The following HMGCLL1 variants were observed in gnomAD, a reference collection of about 807,000 sequenced individuals.
HMGCLL1 encodes the protein 3-hydroxymethyl-3-methylglutaryl-CoA lyase, cytoplasmic.
Under a neutral mutation model 39.1 loss-of-function variants are expected in HMGCLL1, and 36 were observed. The ratio of observed to expected loss-of-function variants is 0.92; its 90% CI spans 0.71 to 1.22. HMGCLL1 has a LOEUF of 1.22. Among genes scored for constraint, HMGCLL1 ranks in the 50% most tolerant of loss-of-function variants. The pLI, the probability that HMGCLL1 is intolerant of heterozygous loss-of-function variation, is 0.00. For missense variants in HMGCLL1, 451 were observed against 416.5 expected, an observed-to-expected ratio of 1.08 and a Z score of -0.72; for synonymous variants, 149 against 144.0, an observed-to-expected ratio of 1.03 and a Z score of -0.25.
intron 4 of HMGCLL1, among the ~76,000 whole-genome samples, chr6:55,516,157 T>G (rs1218587024): frequency 6.6e-6 from 1 of 152,018 alleles, no homozygotes; most frequent in African/African-American, 2.4e-5. Context: ...AATTACCAAA[T>G]TCAACAATAT....
chr6:55,640,384 AGAAT>A, the HMGCLL1 span, among the ~76,000 whole-genome samples: 1 of 152,168 alleles, frequency 6.6e-6, no homozygotes, highest in Non-Finnish European at 1.5e-5. Flanking sequence ...GCCTACTACA[AGAAT>A]GAATCACATA....
chr6:55,454,482 G>C (rs1261087160), intron 7 of HMGCLL1, among the ~76,000 whole-genome samples: 1 of 152,168 alleles, frequency 6.6e-6, no homozygotes, highest in Admixed American at 6.5e-5. Flanking sequence ...ACTCAAACCT[G>C]GCATAGAAAG....
chr6:55,498,579 G>T (rs962252079), intron 6 of HMGCLL1, among the ~76,000 whole-genome samples: 2 of 151,884 alleles, frequency 1.3e-5, no homozygotes, highest in Non-Finnish European at 2.9e-5. Context: ...CTTAAAAACA[G>T]GTCTACATTA....
At chr6:55,478,234 T>G (rs1323568885) in intron 7 of HMGCLL1, among the ~76,000 whole-genome samples, 1 of 151,292 alleles carries the variant, frequency 6.6e-6, no homozygotes, top group African/African-American at 2.4e-5. Context: ...CCCTTTTTCA[T>G]TCCCTCTACC....
intron 3 of HMGCLL1, among the ~76,000 whole-genome samples, chr6:55,540,713 T>C (rs1561947707): frequency 2.0e-5 from 3 of 152,166 alleles, no homozygotes. Context: ...AGGAAAGATT[T>C]GCACTCCTGG....
chr6:55,657,431 A>T, the HMGCLL1 span, among the ~76,000 whole-genome samples: 1 of 152,020 alleles, frequency 6.6e-6, no homozygotes, highest in Non-Finnish European at 1.5e-5. Flanking sequence ...TTAGCCCAGT[A>T]CGATTTACTG....
chr6:55,662,113 T>C, the HMGCLL1 span, among the ~76,000 whole-genome samples: 1 of 151,886 alleles, frequency 6.6e-6, no homozygotes, highest in Non-Finnish European at 1.5e-5. Context: ...TTTCCAGATA[T>C]AGAATCATGT....
At chr6:55,650,084 CATAT>C in the HMGCLL1 span, among the ~76,000 whole-genome samples, 21 of 48,022 alleles carry the variant, frequency 4.4e-4, no homozygotes, top group Non-Finnish European at 4.8e-4. Flanking sequence ...TATACACACA[CATAT>C]ACATATATAT....
At chr6:55,626,521 C>T in the HMGCLL1 span, among the ~76,000 whole-genome samples, 3 of 152,014 alleles carry the variant, frequency 2.0e-5, 1 homozygote, top group South Asian at 4.1e-4. Flanking sequence ...CTCCAGAAGG[C>T]CATGTATGCT....
intron 7 of HMGCLL1, among the ~76,000 whole-genome samples, chr6:55,441,654 G>C (rs528310121): frequency 6.6e-6 from 1 of 151,868 alleles, no homozygotes; most frequent in Non-Finnish European, 1.5e-5. Context: ...CAGTTTCTCC[G>C]AACTATTTTG....
At chr6:55,569,247 G>T (rs1437677086) in intron 1 of HMGCLL1, among the ~76,000 whole-genome samples, 2 of 151,974 alleles carry the variant, frequency 1.3e-5, no homozygotes, top group Non-Finnish European at 2.9e-5. Context: ...TTTTTTCATG[G>T]GCAGGAGCCA....
chr6:55,603,893 C>T, the HMGCLL1 span, among the ~76,000 whole-genome samples: 65 of 152,168 alleles, frequency 4.3e-4, no homozygotes, highest in African/African-American at 1.4e-3. Context: ...GGTTTTCTCG[C>T]ATATTGAAGT....
intron 7 of HMGCLL1, among the ~76,000 whole-genome samples, chr6:55,449,690 T>C (rs1160009453): frequency 6.6e-6 from 1 of 152,204 alleles, no homozygotes; most frequent in African/African-American, 2.4e-5. Flanking sequence ...CGTTTTACGA[T>C]TTTATTGGAT....
intron 1 of HMGCLL1, among the ~76,000 whole-genome samples, chr6:55,549,668 C>T (rs997004650): frequency 5.3e-5 from 8 of 151,792 alleles, no homozygotes; most frequent in Non-Finnish European, 1.0e-4. Flanking sequence ...GCTGAGGACA[C>T]TTGGTTTAAT....
chr6:55,441,821 G>T (rs1763609510), intron 7 of HMGCLL1, among the ~76,000 whole-genome samples: 1 of 152,102 alleles, frequency 6.6e-6, no homozygotes, highest in African/African-American at 2.4e-5. Flanking sequence ...CTCCTGAGTA[G>T]CTGGGATTAT....
the HMGCLL1 span, among the ~76,000 whole-genome samples, chr6:55,620,364 C>A: frequency 6.6e-6 from 1 of 152,048 alleles, no homozygotes; most frequent in African/African-American, 2.4e-5. Context: ...TTATTATTTC[C>A]TGTCTTTTGG....
At chr6:55,627,049 GAAAAAAAAAAAA>G in the HMGCLL1 span, among the ~76,000 whole-genome samples, 7 of 85,810 alleles carry the variant, frequency 8.2e-5, no homozygotes, top group Non-Finnish European at 1.1e-4. Flanking sequence ...CACTCCACCA[GAAAAAAAAAAAA>G]AAAAAAAAAA....
chr6:55,488,956 C>T (rs9475315), intron 7 of HMGCLL1, among the ~76,000 whole-genome samples: 20,948 of 151,756 alleles, frequency 0.14, 1,647 homozygotes, highest in African/African-American at 0.22. Context: ...TGTGTGTTTT[C>T]GGGGTGGTGT....
intron 7 of HMGCLL1, among the ~76,000 whole-genome samples, chr6:55,490,109 C>T (rs956287487): frequency 6.6e-6 from 1 of 152,040 alleles, no homozygotes; most frequent in Non-Finnish European, 1.5e-5. Flanking sequence ...ACTTTACTTC[C>T]CTGTGTATAT....
Sources: gnomAD v4.1 joint callset for allele counts (sites outside exome capture counted in the v4.1 genomes callset) on GRCh38, gnomAD v4.1.1 for gene constraint, MANE v1.5 for transcripts, NCBI Gene and HGNC (gene_info 2026-07-23, HGNC 2026-07-21) for gene names.